PRDM11: variants seen among roughly 807,000 people sequenced by gnomAD.
PRDM11 encodes the protein PR/SET domain 11, also known as PR domain-containing protein 11.
In PRDM11, 20 loss-of-function variants were observed where a neutral mutation model predicts 97.8. The observed-to-expected ratio is 0.20, with a 90% CI of 0.14 to 0.30. The LOEUF (loss-of-function observed/expected upper bound fraction) is 0.30. Ranked by LOEUF, PRDM11 falls within the 10% of genes least tolerant of loss-of-function variation. PRDM11 has a pLI of 1.00. For synonymous variants in PRDM11, 599 were observed against 637.7 expected, an observed-to-expected ratio of 0.94 and a Z score of 0.91; for missense variants, 1,139 against 1,555.2, an observed-to-expected ratio of 0.73 and a Z score of 4.50.
At chr11:45,194,192 A>T (rs1014678546) in intron 4 of PRDM11, among the ~76,000 whole-genome samples, 1 of 152,076 alleles carries the variant, frequency 6.6e-6, no homozygotes, top group Admixed American at 6.6e-5. Flanking sequence ...TAAATGCAGT[A>T]CTCTTGCGGG....
chr11:45,216,821 G>T (rs1276231861), intron 5 of PRDM11, among the ~76,000 whole-genome samples: 1 of 152,174 alleles, frequency 6.6e-6, no homozygotes, highest in Non-Finnish European at 1.5e-5. Flanking sequence ...AAATTGACTT[G>T]AGTCTTTCTA....
intron 4 of PRDM11, among the ~76,000 whole-genome samples, chr11:45,192,668 A>G (rs1183247798): frequency 6.6e-6 from 1 of 152,184 alleles, no homozygotes; most frequent in Non-Finnish European, 1.5e-5. Flanking sequence ...TGTGTTTCTC[A>G]CACCTGAACA....
chr11:45,101,268 G>A (rs1851970055), intron 1 of PRDM11, among the ~76,000 whole-genome samples: 2 of 152,134 alleles, frequency 1.3e-5, no homozygotes, highest in African/African-American at 2.4e-5. Context: ...AGTGTCAAAA[G>A]AAGGTATTTG....
chr11:45,131,353 T>C (rs1852714991), intron 1 of PRDM11, among the ~76,000 whole-genome samples: 1 of 152,208 alleles, frequency 6.6e-6, no homozygotes, highest in Admixed American at 6.5e-5. Flanking sequence ...GCATGATTTG[T>C]GTAATTTTCT....
At chr11:45,200,924 A>G (rs1853303760) in intron 4 of PRDM11, among the ~76,000 whole-genome samples, 1 of 152,192 alleles carries the variant, frequency 6.6e-6, no homozygotes, top group South Asian at 2.1e-4. Context: ...TTTGATGTGT[A>G]TCTCCTAGAC....
At chr11:45,157,871 C>T (rs1044749826) in intron 1 of PRDM11, among the ~76,000 whole-genome samples, 20 of 152,276 alleles carry the variant, frequency 1.3e-4, no homozygotes, top group South Asian at 2.1e-4. Flanking sequence ...AGTCCAGAGC[C>T]GTGTTCAGGG....
intron 1 of PRDM11, among the ~76,000 whole-genome samples, chr11:45,110,516 G>A (rs1024443714): frequency 4.6e-5 from 7 of 152,174 alleles, no homozygotes; most frequent in African/African-American, 7.2e-5. Flanking sequence ...ACATGCAGCC[G>A]GACCCAACTA....
intron 1 of PRDM11, among the ~76,000 whole-genome samples, chr11:45,155,406 G>A (rs543255775): frequency 6.6e-5 from 10 of 152,306 alleles, no homozygotes; most frequent in East Asian, 1.9e-4. Context: ...CAGCCAGGGC[G>A]GACTCAGCAC....
intron 1 of PRDM11, among the ~76,000 whole-genome samples, chr11:45,113,035 G>A (rs1852218685): frequency 6.6e-6 from 1 of 152,174 alleles, no homozygotes. Context: ...CTAAGCCAAT[G>A]TCTAGAAGAG....
At chr11:45,204,803 CG>C (rs1565322312) in intron 5 of PRDM11, 25 bp downstream of exon 5, 3 of 1,592,268 alleles carry the variant, frequency 1.9e-6, no homozygotes, top group East Asian at 2.2e-5. Flanking sequence ...GCTGATGTCC[CG>C]GGGGTCTTGC....
chr11:45,110,251 C>A (rs1008175477), intron 1 of PRDM11, among the ~76,000 whole-genome samples: 1 of 152,004 alleles, frequency 6.6e-6, no homozygotes, highest in African/African-American at 2.4e-5. Context: ...TTATGCAGAC[C>A]CAAGAAGTGG....
chr11:45,104,313 C>CACAGGGCACAGGGCTGG (rs1852025354), intron 1 of PRDM11, among the ~76,000 whole-genome samples: 2 of 152,224 alleles, frequency 1.3e-5, no homozygotes, highest in African/African-American at 4.8e-5. Context: ...AGCAGGGCAG[C>CACAGGGCACAGGGCTGG]ACAGGGCACA....
Position 45,228,260 on chromosome 11 carries a change from TTATATTA to T in PRDM11, c.*107_*113del, listed in dbSNP as rs1476714215. On this transcript the variant is annotated 3_prime_UTR_variant, in exon 8 of 8. Transcript: ENST00000683152. Reference sequence around the variant, plus strand: ...TAAATATATATTATATTATATTATATTATATTATATATATATATATATATAAACTCAC... The same window carrying T: ...TAAATATATATTATATTATATTATATTATATATATATATATATAAACTCAC... 0.018 allele frequency: 4,938 copies of T among 267,460 alleles called. No homozygotes were observed. The highest frequency in any genetic ancestry group is 0.043 in the Middle Eastern group (30 of 690). 16.6% of individuals were successfully genotyped at this position (267,460 alleles called of 1,614,324 possible).
At chr11:45,131,025 G>C (rs1852707832) in intron 1 of PRDM11, among the ~76,000 whole-genome samples, 1 of 152,114 alleles carries the variant, frequency 6.6e-6, no homozygotes, top group African/African-American at 2.4e-5. Context: ...CAGTAAAATG[G>C]ATCATTGGTA....
chr11:45,189,089 C>T lies in PRDM11; in HGVS notation c.486+5966C>T, dbSNP rs190108001. 1.3e-3 allele frequency among the ~76,000 whole-genome samples: 200 copies of T among 152,084 alleles called. 1 individual carries two copies. The highest frequency in any genetic ancestry group is 6.8e-3 in the Middle Eastern group (2 of 294). On this transcript the variant is annotated intron_variant, in intron 4 of 7. Coordinates refer to ENST00000683152, the MANE Select transcript of PRDM11 (RefSeq NM_001384648.1). ...GCTAATTTTGTATTTTTAGTAGAGACGGGGTTTCTCCATGTTGGCCAGGCT... is the reference window on the plus strand; with the variant it reads ...GCTAATTTTGTATTTTTAGTAGAGATGGGGTTTCTCCATGTTGGCCAGGCT...
chr11:45,110,767 G>A (rs745700461), intron 1 of PRDM11, among the ~76,000 whole-genome samples: 9 of 152,166 alleles, frequency 5.9e-5, no homozygotes, highest in Non-Finnish European at 1.2e-4. Flanking sequence ...TCACCCATTT[G>A]TAAAGGTGTT....
chr11:45,159,680 A>G (rs189641322), intron 1 of PRDM11, among the ~76,000 whole-genome samples: 56 of 152,084 alleles, frequency 3.7e-4, no homozygotes, highest in Non-Finnish European at 7.4e-4. Context: ...GGCTCAGTCT[A>G]TGTTTGGGGT....
At chr11:45,115,598 G>C (rs1047245216) in intron 1 of PRDM11, among the ~76,000 whole-genome samples, 2 of 152,100 alleles carry the variant, frequency 1.3e-5, no homozygotes, top group Admixed American at 6.5e-5. Context: ...TAGGTTGAAG[G>C]TATAAGAAGA....
At chr11:45,105,190 A>G (rs1452214579) in intron 1 of PRDM11, among the ~76,000 whole-genome samples, 1 of 152,220 alleles carries the variant, frequency 6.6e-6, no homozygotes, top group African/African-American at 2.4e-5. Flanking sequence ...AGACCTATTT[A>G]ATAAGGGCAC....
Sources: allele counts gnomAD v4.1 joint callset (sites outside exome capture counted in the v4.1 genomes callset), GRCh38; gene constraint gnomAD v4.1.1; transcripts MANE v1.5; gene names NCBI Gene and HGNC (gene_info 2026-07-23, HGNC 2026-07-21).